DIP2B: variants seen among roughly 807,000 people sequenced by gnomAD.
DIP2B encodes the protein disco-interacting protein 2 homolog B.
In DIP2B, 76 loss-of-function variants were observed where a neutral mutation model predicts 198.0. The ratio of observed to expected loss-of-function variants is 0.38; its 90% CI spans 0.32 to 0.46. The LOEUF (loss-of-function observed/expected upper bound fraction) is 0.46, where lower values mean the gene tolerates loss of function less well. DIP2B is among the 20% of genes least tolerant of loss of function. DIP2B has a pLI of 0.99. For synonymous variants in DIP2B, 701 were observed against 739.1 expected (o/e 0.95, Z 0.84); for missense variants, 1,559 against 1,978.4 (o/e 0.79, Z 4.02).
In DIP2B at chr12:50,601,630, G is replaced by C. The variant is rs544907881; in HGVS notation, c.101-24346G>C. On this transcript the variant is annotated intron_variant, in intron 1 of 37. Transcript: ENST00000301180. ...TGGGATTACAGGCGTGAGCCACCGC[G>C]CCCGGCAGCTTTTTATATTTTATGT... Among the ~76,000 whole-genome samples, 9 of 152,088 alleles carry C rather than the reference G, an allele frequency of 5.9e-5. No individual in the cohort carries two copies. In the East Asian group the frequency reaches 1.5e-3, roughly 26 times the overall value.
chr12:50,718,896 A>G, intron 24 of DIP2B, 59 bp from the exon 25 acceptor site: 4 of 1,612,288 alleles, frequency 2.5e-6, no homozygotes, highest in East Asian at 2.2e-5. Context: ...TGGGGGATGC[A>G]TTATATGACT....
At chr12:50,705,672 T>C (rs1057325071) in intron 20 of DIP2B, among the ~76,000 whole-genome samples, 3 of 152,252 alleles carry the variant, frequency 2.0e-5, no homozygotes, top group African/African-American at 7.2e-5. Flanking sequence ...AGTGACTGTC[T>C]CATTCTCTTA....
intron 1 of DIP2B, among the ~76,000 whole-genome samples, chr12:50,534,950 C>G (rs971098598): frequency 6.6e-6 from 1 of 152,124 alleles, no homozygotes; most frequent in Non-Finnish European, 1.5e-5. Context: ...GGAACAGGGC[C>G]TGGCGTGATA....
intron 1 of DIP2B, among the ~76,000 whole-genome samples, chr12:50,550,531 T>C (rs183509448): frequency 6.6e-6 from 1 of 152,210 alleles, no homozygotes; most frequent in South Asian, 2.1e-4. Context: ...CTAGATAACC[T>C]AACAGACTTT....
At chr12:50,662,943 G>A (rs1393834920) in intron 4 of DIP2B, among the ~76,000 whole-genome samples, 4 of 151,630 alleles carry the variant, frequency 2.6e-5, no homozygotes, top group South Asian at 2.1e-4. Context: ...ACCCCGTCCC[G>A]GCTAAAAATA....
At chr12:50,553,424 T>G (rs1958443753) in intron 1 of DIP2B, among the ~76,000 whole-genome samples, 1 of 152,216 alleles carries the variant, frequency 6.6e-6, no homozygotes, top group African/African-American at 2.4e-5. Flanking sequence ...AGGCACCCTG[T>G]ATTCATTTAT....
intron 1 of DIP2B, among the ~76,000 whole-genome samples, chr12:50,585,075 A>G (rs188263636): frequency 2.0e-5 from 3 of 152,120 alleles, no homozygotes; most frequent in South Asian, 4.1e-4. Context: ...TGTTCCTTCT[A>G]CATGGACTCT....
chr12:50,556,047 AC>A (rs1386386871), intron 1 of DIP2B, among the ~76,000 whole-genome samples: 1 of 151,108 alleles, frequency 6.6e-6, no homozygotes, highest in East Asian at 1.9e-4. Flanking sequence ...CACATCTCTG[AC>A]TCTTCATTGT....
chr12:50,628,231 C>A lies in DIP2B; in HGVS notation c.172+2184C>A, dbSNP rs114505325. ...ACTAAAAATACAAGAATTAGCCGGG[C>A]GTGGTGCTGCACACCTGTAATGCCA... On this transcript the variant is annotated intron_variant, in intron 2 of 37. Transcript: ENST00000301180. Among the ~76,000 whole-genome samples, 257 of 152,132 alleles carry A rather than the reference C, an allele frequency of 1.7e-3. 2 individuals are homozygous for A. Among genetic ancestry groups the A allele is most frequent in the African/African-American group, 5.9e-3 (243 of 41,502 alleles).
intron 12 of DIP2B, among the ~76,000 whole-genome samples, chr12:50,689,542 G>T (rs1939187140): frequency 6.6e-6 from 1 of 152,190 alleles, no homozygotes; most frequent in African/African-American, 2.4e-5. Flanking sequence ...CAGGTTTCTT[G>T]CTTGAGCAAC....
intron 19 of DIP2B, among the ~76,000 whole-genome samples, chr12:50,700,990 G>A (rs974840929): frequency 6.6e-6 from 1 of 152,168 alleles, no homozygotes; most frequent in South Asian, 2.1e-4. Context: ...AAGATTACAG[G>A]CATGAGCCGT....
At chr12:50,741,637 AAAC>A in intron 37 of DIP2B, 98 bp downstream of exon 37, 1 of 1,449,016 alleles carries the variant, frequency 6.9e-7, no homozygotes, top group African/African-American at 1.4e-5. Context: ...ACCTACCTTG[AAAC>A]ATAGAGCTCC....
intron 1 of DIP2B, among the ~76,000 whole-genome samples, chr12:50,516,725 AG>A (rs926073581): frequency 2.6e-5 from 4 of 152,046 alleles, no homozygotes; most frequent in African/African-American, 9.7e-5. Context: ...TTATAATCCC[AG>A]CACTTTGGGA....
At chr12:50,505,861 G>GT (rs201041397) in intron 1 of DIP2B, among the ~76,000 whole-genome samples, 9,434 of 147,822 alleles carry the variant, frequency 0.064, 712 homozygotes, top group East Asian at 0.38. Flanking sequence ...GTCATAAGAA[G>GT]TTTTTTTTTT....
chr12:50,741,664 G>C, intron 37 of DIP2B, 125 bp downstream of exon 37: 1 of 1,284,022 alleles, frequency 7.8e-7, no homozygotes, highest in Non-Finnish European at 1.1e-6. Flanking sequence ...GGAGGAGTAA[G>C]GAAATAGACT....
At chr12:50,549,465 G>A (rs1409634865) in intron 1 of DIP2B, among the ~76,000 whole-genome samples, 1 of 151,258 alleles carries the variant, frequency 6.6e-6, no homozygotes, top group Non-Finnish European at 1.5e-5. Context: ...GGGAGGTGGA[G>A]CTTGCAGTGA....
At chr12:50,677,942 G>C (rs922191454) in intron 7 of DIP2B, among the ~76,000 whole-genome samples, 1 of 151,778 alleles carries the variant, frequency 6.6e-6, no homozygotes, top group Non-Finnish European at 1.5e-5. Flanking sequence ...AGGATGCTCA[G>C]TGCTTTCCTA....
Position 50,675,323 on chromosome 12 carries a change from T to C in DIP2B, c.797-6T>C, listed in dbSNP as rs771977865. 1.9e-6 allele frequency: 3 copies of C among 1,611,452 alleles called. No homozygotes were observed. In the South Asian group the frequency reaches 3.3e-5, roughly 18 times the overall value. On this transcript the variant is annotated splice_region_variant and splice_polypyrimidine_tract_variant and intron_variant, in intron 6 of 37. Transcript: ENST00000301180. The stretch of plus-strand genomic sequence containing the variant: ...AATTTTAACTTAACCATTTTTTCCC[T>C]TATAGGTGTTCCTGTCAGTAGCAGA...
At position 50,706,811 on chromosome 12, in the gene DIP2B, TTTC is replaced by T. The variant is rs1555194259; in HGVS notation, c.2534+161_2534+163del. 3,493 of 770,818 alleles carry T rather than the reference TTTC, an allele frequency of 4.5e-3. 6 individuals are homozygous for T. The highest frequency in any genetic ancestry group is 0.015 in the East Asian group (523 of 33,988). The allele number at this position is 770,818 out of a possible 1,614,324, so 47.7% of individuals were successfully genotyped here. A position where few individuals can be genotyped will look rare whatever the true frequency, so the allele number is the denominator to read the frequency against. ...GCATTGCATAAGCCTGGCTTTTTTT[TTTC>T]TTCTTCTTCTTCTTAGCCTGGCTTT... On this transcript the variant is annotated intron_variant, in intron 21 of 37. Coordinates refer to ENST00000301180, the MANE Select transcript of DIP2B (RefSeq NM_173602.3).
Sources: gnomAD v4.1 joint callset for allele counts (sites outside exome capture counted in the v4.1 genomes callset) on GRCh38, gnomAD v4.1.1 for gene constraint, MANE v1.5 for transcripts, NCBI Gene and HGNC (gene_info 2026-07-23, HGNC 2026-07-21) for gene names.